Variants in ZNF438 observed in about 807,000 individuals in gnomAD.
The protein encoded by ZNF438 is zinc finger protein 438.
ZNF438 carries 25 observed loss-of-function variants against 38.0 expected under a neutral mutation model. The ratio of observed to expected loss-of-function variants is 0.66; its 90% confidence interval spans 0.48 to 0.92. ZNF438 has a LOEUF of 0.92. ZNF438 is among the 40% of genes least tolerant of loss of function. The pLI, the probability that ZNF438 is intolerant of heterozygous loss-of-function variation, is 0.00. For missense variants in ZNF438, 1,007 were observed against 999.6 expected, an observed-to-expected ratio of 1.01 and a Z score of -0.10; for synonymous variants, 372 against 364.1, an observed-to-expected ratio of 1.02 and a Z score of -0.25.
intron 2 of ZNF438, among the ~76,000 whole-genome samples, chr10:30,912,938 A>C (rs144319665): frequency 1.1e-4 from 17 of 152,214 alleles, no homozygotes; most frequent in Non-Finnish European, 1.8e-4. Flanking sequence ...AGTTATTTTT[A>C]ATACAGTTCT....
At chr10:30,940,838 T>C (rs1713015880) in intron 2 of ZNF438, among the ~76,000 whole-genome samples, 1 of 152,150 alleles carries the variant, frequency 6.6e-6, no homozygotes, top group Admixed American at 6.5e-5. Flanking sequence ...CATTTAAGGT[T>C]CAAGTGCTAG....
chr10:30,955,723 G>C (rs899576742), intron 1 of ZNF438, among the ~76,000 whole-genome samples: 2 of 152,178 alleles, frequency 1.3e-5, no homozygotes, highest in African/African-American at 4.8e-5. Context: ...CCCATAGAAC[G>C]ATGAGCTAAA....
At chr10:30,981,990 C>G (rs972923979) in intron 1 of ZNF438, among the ~76,000 whole-genome samples, 1 of 151,860 alleles carries the variant, frequency 6.6e-6, no homozygotes, top group Non-Finnish European at 1.5e-5. Flanking sequence ...ACTTTTAATG[C>G]TCTTCTAGCA....
At chr10:30,921,079 A>G (rs1015132994) in intron 2 of ZNF438, 7 of 152,244 alleles carry the variant, frequency 4.6e-5, no homozygotes, top group African/African-American at 1.4e-4. Flanking sequence ...TTTTGGTAAC[A>G]GCATTCACGG....
chr10:30,848,704 C>A (rs148802407), exon 5 of ZNF438: 1 of 1,614,142 alleles, frequency 6.2e-7, no homozygotes, highest in Non-Finnish European at 8.5e-7. Flanking sequence ...ACTCACAACA[C>A]ATGAGTTTCT....
At chr10:30,961,783 G>A (rs2049516942) in intron 1 of ZNF438, among the ~76,000 whole-genome samples, 1 of 145,528 alleles carries the variant, frequency 6.9e-6, no homozygotes, top group African/African-American at 2.4e-5. Context: ...AGCTACTCAG[G>A]AGGCTGAGGC....
chr10:30,876,147 C>A (rs1343556932), intron 4 of ZNF438, among the ~76,000 whole-genome samples: 2 of 152,186 alleles, frequency 1.3e-5, no homozygotes, highest in Non-Finnish European at 2.9e-5. Context: ...TATGATACTA[C>A]CTTTCTCACT....
At chr10:30,867,932 T>A (rs1156829411) in intron 4 of ZNF438, among the ~76,000 whole-genome samples, 1 of 152,218 alleles carries the variant, frequency 6.6e-6, no homozygotes, top group Non-Finnish European at 1.5e-5. Flanking sequence ...CAAAAACTTA[T>A]CTTACTTAAA....
At chr10:30,941,993 G>A (rs1226457735) in intron 1 of ZNF438, among the ~76,000 whole-genome samples, 2 of 152,190 alleles carry the variant, frequency 1.3e-5, no homozygotes, top group African/African-American at 4.8e-5. Flanking sequence ...GGAACAGGGA[G>A]CTATGAAATT....
chr10:30,871,079 A>G (rs997923608), intron 4 of ZNF438, among the ~76,000 whole-genome samples: 4 of 152,356 alleles, frequency 2.6e-5, no homozygotes, highest in Admixed American at 6.5e-5. Context: ...CATGTTCGAA[A>G]GAGTGAAACT....
At chr10:30,865,152 GA>G (rs1346039220) in intron 4 of ZNF438, among the ~76,000 whole-genome samples, 1 of 152,230 alleles carries the variant, frequency 6.6e-6, no homozygotes, top group Non-Finnish European at 1.5e-5. Flanking sequence ...TCAATGTTGA[GA>G]AAAGAAAGAT....
At chr10:30,881,452 A>G (rs1055577511) in intron 3 of ZNF438, among the ~76,000 whole-genome samples, 1 of 151,942 alleles carries the variant, frequency 6.6e-6, no homozygotes, top group African/African-American at 2.4e-5. Flanking sequence ...TACACTGAAA[A>G]CTAAAAAACA....
intron 2 of ZNF438, among the ~76,000 whole-genome samples, chr10:30,930,087 C>G (rs559260512): frequency 3.3e-4 from 48 of 145,760 alleles, no homozygotes; most frequent in Middle Eastern, 7.2e-3. Flanking sequence ...TTGATGGGAG[C>G]AGGTGCCGCA....
intron 1 of ZNF438, among the ~76,000 whole-genome samples, chr10:31,015,039 T>C (rs1315572579): frequency 6.6e-6 from 1 of 152,130 alleles, no homozygotes; most frequent in East Asian, 1.9e-4. Flanking sequence ...AAGAAAACTT[T>C]TTTTGTAGAT....
chr10:30,972,349 T>TA (rs1204973617), intron 1 of ZNF438, among the ~76,000 whole-genome samples: 2 of 152,190 alleles, frequency 1.3e-5, no homozygotes, highest in Non-Finnish European at 2.9e-5. Flanking sequence ...GTGCTATAAT[T>TA]AAAAAACCTC....
intron 1 of ZNF438, among the ~76,000 whole-genome samples, chr10:31,016,609 C>A (rs1022623699): frequency 9.9e-5 from 15 of 152,226 alleles, no homozygotes; most frequent in Non-Finnish European, 1.9e-4. Flanking sequence ...CTCCTTGGGG[C>A]ACTGCCCTCA....
Position 30,990,184 on chromosome 10 carries a change from A to G in ZNF438, c.-192+41649T>C, listed in dbSNP as rs117005915. 9.5e-3 allele frequency among the ~76,000 whole-genome samples: 1,441 copies of G among 152,326 alleles called. 9 individuals are homozygous for G. The highest frequency in any genetic ancestry group is 0.015 in the South Asian group (74 of 4,814). ...AATTCATTATCTTAAGAAATATATC[A>G]AAGGGAAAAAATCAAGAATTTATGT... On this transcript the variant is annotated intron_variant, in intron 1 of 5. Transcript: ENST00000413025.
intron 1 of ZNF438, among the ~76,000 whole-genome samples, chr10:31,028,393 C>G (rs1452179372): frequency 6.6e-6 from 1 of 152,162 alleles, no homozygotes; most frequent in Non-Finnish European, 1.5e-5. Context: ...AGTCAAATAT[C>G]AGAATTTATT....
intron 1 of ZNF438, among the ~76,000 whole-genome samples, chr10:30,950,542 G>A (rs1214845992): frequency 1.3e-5 from 2 of 151,984 alleles, no homozygotes; most frequent in Admixed American, 6.5e-5. Flanking sequence ...ATCAATAGAT[G>A]CAATAAAAAA....
Sources: gnomAD v4.1 joint callset for allele counts (sites outside exome capture counted in the v4.1 genomes callset) on GRCh38, gnomAD v4.1.1 for gene constraint, MANE v1.5 for transcripts, NCBI Gene and HGNC (gene_info 2026-07-23, HGNC 2026-07-21) for gene names.